The following SERAC1 variants were observed in gnomAD, a reference collection of about 807,000 sequenced individuals.
The protein encoded by SERAC1 is serine active site containing 1.
Under a neutral mutation model 85.7 loss-of-function variants are expected in SERAC1, and 36 were observed. The observed-to-expected ratio is 0.42, with a 90% CI of 0.32 to 0.55. The LOEUF (loss-of-function observed/expected upper bound fraction) is 0.55, where lower values mean the gene tolerates loss of function less well. Among genes scored for constraint, SERAC1 ranks in the 20% least tolerant of loss-of-function variants. The probability of loss-of-function intolerance (pLI) is 0.11; values close to 1 mark genes in which losing one functional copy is unlikely to be tolerated. For missense variants in SERAC1, 629 were observed against 796.2 expected (o/e 0.79, Z 2.53); for synonymous variants, 242 against 265.3 (o/e 0.91, Z 0.85).
intron 8 of SERAC1, among the ~76,000 whole-genome samples, chr6:158,141,331 G>T (rs969725810): frequency 2.6e-5 from 4 of 152,206 alleles, no homozygotes; most frequent in African/African-American, 9.7e-5. Context: ...TTCTTTGGGG[G>T]ATGGTGAAAA....
At chr6:158,146,675 G>T (rs1182016208) in intron 6 of SERAC1, 107 bp downstream of exon 6, 8 of 1,412,326 alleles carry the variant, frequency 5.7e-6, no homozygotes, top group Non-Finnish European at 6.8e-6. Flanking sequence ...CTCCCAAAGT[G>T]CTGGGATTAC....
At chr6:158,125,213 A>C (rs1368424441) in intron 10 of SERAC1, among the ~76,000 whole-genome samples, 4 of 152,188 alleles carry the variant, frequency 2.6e-5, no homozygotes, top group Non-Finnish European at 5.9e-5. Flanking sequence ...TGCTATCCCA[A>C]CTGCCCTGAC....
intron 10 of SERAC1, among the ~76,000 whole-genome samples, chr6:158,123,788 T>C (rs921310214): frequency 6.6e-6 from 1 of 152,116 alleles, no homozygotes; most frequent in Non-Finnish European, 1.5e-5. Context: ...GACCATGGAA[T>C]ATAAGCTGGG....
intron 3 of SERAC1, among the ~76,000 whole-genome samples, chr6:158,153,347 T>A (rs1785250822): frequency 1.3e-5 from 2 of 152,134 alleles, no homozygotes; most frequent in Admixed American, 1.3e-4. Flanking sequence ...ACAACTTACT[T>A]ATTCACTCTC....
chr6:158,135,904 G>T (rs979562738), intron 8 of SERAC1, among the ~76,000 whole-genome samples: 6 of 152,052 alleles, frequency 3.9e-5, no homozygotes, highest in Non-Finnish European at 7.4e-5. Flanking sequence ...CTGCCTCCCC[G>T]GTTCACACCA....
intron 1 of SERAC1, among the ~76,000 whole-genome samples, chr6:158,167,380 A>C (rs1397339555): frequency 6.6e-6 from 1 of 152,014 alleles, no homozygotes; most frequent in Non-Finnish European, 1.5e-5. Context: ...TCTACTAAAA[A>C]TACGAAAATC....
At chr6:158,149,003 C>G in intron 4 of SERAC1, 49 bp from the exon 5 acceptor site, 1 of 1,134,772 alleles carries the variant, frequency 8.8e-7, no homozygotes, top group Non-Finnish European at 1.2e-6. Flanking sequence ...TTTTTTTTTT[C>G]TTTTGAGATG....
chr6:158,164,344 G>A (rs995703416), intron 1 of SERAC1, among the ~76,000 whole-genome samples: 3 of 151,800 alleles, frequency 2.0e-5, no homozygotes, highest in Non-Finnish European at 2.9e-5. Context: ...GTGTGGTGGC[G>A]GGCACCTGTA....
intron 3 of SERAC1, among the ~76,000 whole-genome samples, chr6:158,153,266 T>C (rs1785249288): frequency 6.6e-6 from 1 of 152,240 alleles, no homozygotes; most frequent in Non-Finnish European, 1.5e-5. Flanking sequence ...ATCCATGTTG[T>C]TGCATGTAAA....
rs1562452774 is a variant in SERAC1, at chr6:158,146,763, GT to G, written c.487+18del. On this transcript the variant is annotated intron_variant, in intron 6 of 16. Coordinates refer to ENST00000647468, the MANE Select transcript of SERAC1 (RefSeq NM_032861.4). The stretch of plus-strand genomic sequence containing the variant: ...AGAGCCAGCTGAAGGCATGCCACCT[GT>G]TCAGGTAGTCTCATTACCATGCCAG... The G allele has an allele frequency of 6.2e-7, 1 of 1,612,546 alleles. No individual in the cohort carries two copies. The highest frequency in any genetic ancestry group is 1.1e-5 in the South Asian group (1 of 91,058).
At chr6:158,151,583 G>A (rs1459470182) in intron 3 of SERAC1, among the ~76,000 whole-genome samples, 4 of 151,902 alleles carry the variant, frequency 2.6e-5, no homozygotes, top group South Asian at 2.1e-4. Context: ...CACCACGCCC[G>A]GGTAATTTTG....
intron 8 of SERAC1, among the ~76,000 whole-genome samples, chr6:158,134,615 A>G (rs917069069): frequency 2.6e-5 from 4 of 152,132 alleles, no homozygotes; most frequent in Non-Finnish European, 2.9e-5. Context: ...GAAAAGCAGA[A>G]AGGAGAAATG....
rs553687409 is a variant in SERAC1, at chr6:158,146,575, A to AT, written c.487+206dup. On this transcript the variant is annotated intron_variant, in intron 6 of 16. Transcript: ENST00000647468. ...AGACGCCCGCCACCATGCCTGGCTA[A>AT]TTTTTTTGTATTTTTAGTAGAGACG... 1.6e-3 allele frequency: 674 copies of AT among 409,398 alleles called. 6 individuals are homozygous for AT. Among genetic ancestry groups the AT allele is most frequent in the African/African-American group, 0.013 (625 of 47,652 alleles). The allele number at this position is 409,398 out of a possible 1,614,324, so 25.4% of individuals were successfully genotyped here. A position where few individuals can be genotyped will look rare whatever the true frequency, so the allele number is the denominator to read the frequency against.
intron 12 of SERAC1, 100 bp downstream of exon 12, chr6:158,118,929 G>GA (rs1784356074): frequency 9.1e-6 from 13 of 1,436,008 alleles, no homozygotes; most frequent in Admixed American, 2.3e-5. Context: ...AACTGCATGG[G>GA]AAAAAAATCC....
chr6:158,126,055 G>C (rs1438370331), intron 10 of SERAC1, among the ~76,000 whole-genome samples: 1 of 152,198 alleles, frequency 6.6e-6, no homozygotes, highest in Admixed American at 6.5e-5. Flanking sequence ...AGTGTTGAAA[G>C]TATATCTTCC....
chr6:158,142,360 G>A lies in SERAC1; in HGVS notation c.738+696C>T, dbSNP rs116711599. Reference sequence around the variant, plus strand: ...TTAATGTTTTAAAGAGACGGGGGTCGCACTGTGTTGCCCAAGCTGGTCTCA... The same window carrying A: ...TTAATGTTTTAAAGAGACGGGGGTCACACTGTGTTGCCCAAGCTGGTCTCA... On this transcript the variant is annotated intron_variant, in intron 8 of 16. Transcript: ENST00000647468. Among the ~76,000 whole-genome samples, 1,464 of 151,774 alleles carry A rather than the reference G, an allele frequency of 9.6e-3. 24 individuals carry two copies. Among genetic ancestry groups the A allele is most frequent in the African/African-American group, 0.033 (1,361 of 41,388 alleles).
chr6:158,166,991 C>T (rs1271457795), intron 1 of SERAC1, among the ~76,000 whole-genome samples: 1 of 151,766 alleles, frequency 6.6e-6, no homozygotes. Context: ...ATAGCTGACA[C>T]ACATCAAGTG....
At chr6:158,128,639 C>T (rs1312479108) in intron 9 of SERAC1, among the ~76,000 whole-genome samples, 1 of 152,104 alleles carries the variant, frequency 6.6e-6, no homozygotes, top group Non-Finnish European at 1.5e-5. Flanking sequence ...AAAAATCTGC[C>T]ACCTATTCTC....
At chr6:158,142,706 A>G (rs1784947237) in intron 8 of SERAC1, among the ~76,000 whole-genome samples, 1 of 151,940 alleles carries the variant, frequency 6.6e-6, no homozygotes, top group African/African-American at 2.4e-5. Context: ...CAATCTCTTG[A>G]CCTCGTGATC....
Sources: gnomAD v4.1 joint callset for allele counts (sites outside exome capture counted in the v4.1 genomes callset) on GRCh38, gnomAD v4.1.1 for gene constraint, MANE v1.5 for transcripts, NCBI Gene and HGNC (gene_info 2026-07-23, HGNC 2026-07-21) for gene names.